Variants in ADARB2 observed in about 807,000 individuals in gnomAD.
The protein encoded by ADARB2 is inactive double-stranded RNA-specific editase B2.
ADARB2 carries 25 observed loss-of-function variants against 62.2 expected under a neutral mutation model. The ratio of observed to expected loss-of-function variants is 0.40; its 90% CI spans 0.29 to 0.56. The LOEUF is 0.56. Ranked by LOEUF, ADARB2 falls within the 20% of genes least tolerant of loss-of-function variation. The pLI is 0.43. For synonymous variants in ADARB2, 572 were observed against 500.8 expected (o/e 1.14, Z -1.90); for missense variants, 1,071 against 1,077.4 (o/e 0.99, Z 0.08).
chr10:1,266,030 G>A (rs1254240062), intron 4 of ADARB2, among the ~76,000 whole-genome samples: 6 of 122,090 alleles, frequency 4.9e-5, no homozygotes, highest in Admixed American at 3.2e-4. Context: ...GGGGGCCCAG[G>A]GTCCCCCGGA....
chr10:1,251,273 G>C (rs954758319), intron 4 of ADARB2, among the ~76,000 whole-genome samples: 1 of 152,190 alleles, frequency 6.6e-6, no homozygotes, highest in African/African-American at 2.4e-5. Flanking sequence ...ATCAAGCCAT[G>C]AAAAGACATG....
At chr10:1,631,757 TCA>T (rs1210771936) in intron 1 of ADARB2, among the ~76,000 whole-genome samples, 1 of 152,194 alleles carries the variant, frequency 6.6e-6, no homozygotes, top group Non-Finnish European at 1.5e-5. Context: ...GTGGCTCGGT[TCA>T]CAGTTAGGAA....
intron 1 of ADARB2, among the ~76,000 whole-genome samples, chr10:1,539,675 A>G (rs1832385015): frequency 6.6e-6 from 1 of 152,218 alleles, no homozygotes; most frequent in Non-Finnish European, 1.5e-5. Context: ...CCTGTTTGAC[A>G]ATTTTGCTTT....
chr10:1,559,158 T>A (rs1190686201), intron 1 of ADARB2, among the ~76,000 whole-genome samples: 1 of 152,246 alleles, frequency 6.6e-6, no homozygotes, highest in East Asian at 1.9e-4. Flanking sequence ...TGATGTGGTT[T>A]CCAAGATAAA....
chr10:1,569,264 G>A (rs914727580), intron 1 of ADARB2, among the ~76,000 whole-genome samples: 13 of 151,620 alleles, frequency 8.6e-5, no homozygotes, highest in African/African-American at 2.9e-4. Context: ...GACAGAGAGC[G>A]AGAGAGAGAG....
intron 3 of ADARB2, among the ~76,000 whole-genome samples, chr10:1,273,528 G>T (rs1270753644): frequency 6.6e-6 from 1 of 152,154 alleles, no homozygotes; most frequent in Non-Finnish European, 1.5e-5. Flanking sequence ...ATGGTCCTTG[G>T]TTCTCCCCTA....
At chr10:1,497,554 C>T (rs550838701) in intron 1 of ADARB2, among the ~76,000 whole-genome samples, 35 of 152,202 alleles carry the variant, frequency 2.3e-4, no homozygotes, top group Non-Finnish European at 3.1e-4. Context: ...TATTGTTCTC[C>T]TTTCTCTTAT....
rs138486803 is a variant in ADARB2, at chr10:1,623,558, G to A, written c.100+113493C>T. On this transcript the variant is annotated intron_variant, in intron 1 of 9. Coordinates refer to ENST00000381312, the MANE Select transcript of ADARB2 (RefSeq NM_018702.4). ...AATTCCATTGTCAGCGCCTACACCC[G>A]CCTCTGGCCGCCTTCCCAGGCATGG... Among the ~76,000 whole-genome samples the A allele has an allele frequency of 6.9e-4, 105 of 152,248 alleles. 5 individuals are homozygous for A. The East Asian group carries it at 0.02, about 29-fold the overall frequency.
chr10:1,540,955 A>G (rs376284278), intron 1 of ADARB2, among the ~76,000 whole-genome samples: 5 of 61,302 alleles, frequency 8.2e-5, no homozygotes, highest in Middle Eastern at 0.01. Flanking sequence ...GACGCAGTTC[A>G]GACCCTGGAT....
At chr10:1,568,612 G>GAGGA (rs1221508191) in intron 1 of ADARB2, among the ~76,000 whole-genome samples, 5 of 117,048 alleles carry the variant, frequency 4.3e-5, no homozygotes, top group East Asian at 2.3e-4. Flanking sequence ...GGGAGGGAGG[G>GAGGA]AGGAAGGAAG....
intron 1 of ADARB2, among the ~76,000 whole-genome samples, chr10:1,532,890 C>T (rs1053506512): frequency 5.3e-5 from 8 of 152,148 alleles, no homozygotes; most frequent in Non-Finnish European, 8.8e-5. Context: ...CCCATCTGAA[C>T]CCCTCAGGCT....
chr10:1,502,159 C>T (rs891719522), intron 1 of ADARB2, among the ~76,000 whole-genome samples: 2 of 152,232 alleles, frequency 1.3e-5, no homozygotes, highest in Admixed American at 6.5e-5. Flanking sequence ...GTTGCTTTCA[C>T]AGCGAAAGGA....
At chr10:1,196,300 A>G (rs1399222503) in intron 8 of ADARB2, among the ~76,000 whole-genome samples, 2 of 130,068 alleles carry the variant, frequency 1.5e-5, no homozygotes, top group Admixed American at 1.7e-4. Context: ...ATTTTTGACT[A>G]TTTTGTTCAC....
At chr10:1,504,741 TC>T (rs1426895657) in intron 1 of ADARB2, among the ~76,000 whole-genome samples, 1 of 152,264 alleles carries the variant, frequency 6.6e-6, no homozygotes, top group East Asian at 1.9e-4. Flanking sequence ...TACATTTTTT[TC>T]AATATTTAAA....
intron 1 of ADARB2, among the ~76,000 whole-genome samples, chr10:1,593,552 C>T (rs1833295070): frequency 6.6e-6 from 1 of 152,192 alleles, no homozygotes. Flanking sequence ...ATTTAAATTC[C>T]TCAAGTATGG....
At chr10:1,485,058 G>C (rs369956482) in intron 1 of ADARB2, among the ~76,000 whole-genome samples, 6 of 152,076 alleles carry the variant, frequency 3.9e-5, no homozygotes, top group African/African-American at 1.2e-4. Context: ...TTGCAGGAAG[G>C]TACCTATGTA....
At chr10:1,702,019 A>C (rs1834828894) in intron 1 of ADARB2, among the ~76,000 whole-genome samples, 1 of 152,266 alleles carries the variant, frequency 6.6e-6, no homozygotes, top group Non-Finnish European at 1.5e-5. Context: ...AGACAAAGAG[A>C]AAGAAGTGGG....
At chr10:1,722,162 CTA>C (rs1837532098) in intron 1 of ADARB2, among the ~76,000 whole-genome samples, 1 of 152,090 alleles carries the variant, frequency 6.6e-6, no homozygotes, top group South Asian at 2.1e-4. Flanking sequence ...TGTGGGGGTG[CTA>C]CAACGTTACA....
chr10:1,373,679 G>A (rs1283154818), intron 2 of ADARB2, among the ~76,000 whole-genome samples: 1 of 152,208 alleles, frequency 6.6e-6, no homozygotes, highest in African/African-American at 2.4e-5. Context: ...CTGGGAGACA[G>A]CACAGCTCCC....
Sources: gnomAD v4.1 joint callset for allele counts (sites outside exome capture counted in the v4.1 genomes callset) on GRCh38, gnomAD v4.1.1 for gene constraint, MANE v1.5 for transcripts, NCBI Gene and HGNC (gene_info 2026-07-23, HGNC 2026-07-21) for gene names.